Variants in TRPC4 observed in about 807,000 individuals in gnomAD.
The protein encoded by TRPC4 is short transient receptor potential channel 4.
TRPC4 carries 49 observed loss-of-function variants against 99.4 expected under a neutral mutation model. The ratio of observed to expected loss-of-function variants is 0.49; its 90% CI spans 0.39 to 0.63. TRPC4 has a LOEUF of 0.63. Ranked by LOEUF, TRPC4 falls within the 20% of genes least tolerant of loss-of-function variation. The pLI is 0.00. For missense variants in TRPC4, 898 were observed against 1,152.9 expected, an observed-to-expected ratio of 0.78 and a Z score of 3.20; for synonymous variants, 454 against 425.9, an observed-to-expected ratio of 1.07 and a Z score of -0.81.
chr13:37,793,136 T>C (rs1442627364), intron 1 of TRPC4, among the ~76,000 whole-genome samples: 1 of 152,176 alleles, frequency 6.6e-6, no homozygotes, highest in Non-Finnish European at 1.5e-5. Context: ...ACCATGAGAA[T>C]GTTTTCTAAA....
intron 3 of TRPC4, among the ~76,000 whole-genome samples, chr13:37,737,641 A>T: frequency 6.6e-6 from 1 of 151,710 alleles, no homozygotes. Context: ...GCCCAGCTAA[A>T]TTTTCTTTTC....
At chr13:37,861,156 G>A (rs1054447753) in intron 1 of TRPC4, among the ~76,000 whole-genome samples, 1 of 151,326 alleles carries the variant, frequency 6.6e-6, no homozygotes, top group African/African-American at 2.4e-5. Context: ...AAATGATTTA[G>A]GTTATATGCT....
chr13:37,669,061 T>A (rs1952749945), intron 5 of TRPC4, among the ~76,000 whole-genome samples: 4 of 152,184 alleles, frequency 2.6e-5, no homozygotes, highest in Non-Finnish European at 5.9e-5. Context: ...GGCCCTTTTC[T>A]AGTTAATAAG....
At chr13:37,759,624 AATG>A (rs1420500746) in intron 2 of TRPC4, among the ~76,000 whole-genome samples, 8 of 151,882 alleles carry the variant, frequency 5.3e-5, no homozygotes, top group Non-Finnish European at 8.8e-5. Context: ...AAATATAAGA[AATG>A]ATGATTTTTC....
intron 2 of TRPC4, among the ~76,000 whole-genome samples, chr13:37,758,945 C>A (rs1956159872): frequency 6.6e-6 from 1 of 151,212 alleles, no homozygotes. Flanking sequence ...CATTTAGTAC[C>A]ATTTCATTAG....
chr13:37,780,412 C>T (rs1956808761), intron 2 of TRPC4, among the ~76,000 whole-genome samples: 1 of 151,854 alleles, frequency 6.6e-6, no homozygotes, highest in Non-Finnish European at 1.5e-5. Flanking sequence ...CATTTGGCCT[C>T]AATGACCTCA....
At chr13:37,786,651 T>C (rs924257536) in intron 1 of TRPC4, among the ~76,000 whole-genome samples, 1 of 152,032 alleles carries the variant, frequency 6.6e-6, no homozygotes, top group African/African-American at 2.4e-5. Context: ...TGACCTATAA[T>C]GTCAAAATAA....
chr13:37,861,349 T>G (rs1056688388), intron 1 of TRPC4, among the ~76,000 whole-genome samples: 2 of 151,752 alleles, frequency 1.3e-5, no homozygotes, highest in Non-Finnish European at 1.5e-5. Flanking sequence ...TGCCATTAAC[T>G]ATTAATCTAA....
intron 5 of TRPC4, among the ~76,000 whole-genome samples, chr13:37,666,432 C>T (rs766819089): frequency 1.8e-4 from 27 of 152,132 alleles, no homozygotes; most frequent in Admixed American, 4.6e-4. Context: ...TTTCCTGTCA[C>T]GGATTAAGAG....
At chr13:37,853,724 G>C (rs1293024187) in intron 1 of TRPC4, among the ~76,000 whole-genome samples, 1 of 151,852 alleles carries the variant, frequency 6.6e-6, no homozygotes, top group East Asian at 1.9e-4. Context: ...ATTTAACAAA[G>C]AGATTAAAAT....
intron 1 of TRPC4, among the ~76,000 whole-genome samples, chr13:37,826,718 A>G (rs932031514): frequency 6.6e-6 from 1 of 151,950 alleles, no homozygotes; most frequent in Non-Finnish European, 1.5e-5. Flanking sequence ...TTTTTCCTTC[A>G]TTCAACTTTA....
At chr13:37,828,683 C>G (rs1258655056) in intron 1 of TRPC4, among the ~76,000 whole-genome samples, 1 of 152,178 alleles carries the variant, frequency 6.6e-6, no homozygotes, top group Admixed American at 6.5e-5. Flanking sequence ...TTCTTTGCAG[C>G]AACATGGTTA....
At chr13:37,754,276 T>C (rs886164178) in intron 2 of TRPC4, among the ~76,000 whole-genome samples, 2 of 152,130 alleles carry the variant, frequency 1.3e-5, no homozygotes, top group Non-Finnish European at 2.9e-5. Flanking sequence ...TGTGGTTCCA[T>C]TGTTACAAGT....
chr13:37,732,044 G>T (rs1955254579), intron 3 of TRPC4, among the ~76,000 whole-genome samples: 1 of 152,096 alleles, frequency 6.6e-6, no homozygotes, highest in African/African-American at 2.4e-5. Context: ...AAAAAACAAT[G>T]TAGCATTAAT....
At chr13:37,849,284 A>T (rs1377698321) in intron 1 of TRPC4, among the ~76,000 whole-genome samples, 2 of 152,196 alleles carry the variant, frequency 1.3e-5, no homozygotes, top group African/African-American at 4.8e-5. Flanking sequence ...ATAAACAATA[A>T]TAAGTTATTG....
chr13:37,736,047 C>T (rs1955385168), intron 3 of TRPC4, among the ~76,000 whole-genome samples: 1 of 152,134 alleles, frequency 6.6e-6, no homozygotes, highest in Admixed American at 6.6e-5. Flanking sequence ...TTACATGTAA[C>T]TTAATTAGCT....
chr13:37,754,428 T>A (rs1956043137), intron 2 of TRPC4, among the ~76,000 whole-genome samples: 1 of 152,128 alleles, frequency 6.6e-6, no homozygotes, highest in Non-Finnish European at 1.5e-5. Flanking sequence ...CAGATGAAAA[T>A]CACACTGTGT....
intron 6 of TRPC4, 102 bp from the exon 7 acceptor site, chr13:37,655,385 A>ATATAT: frequency 3.3e-5 from 11 of 331,432 alleles, no homozygotes; most frequent in South Asian, 1.8e-4. Context: ...ATATATATAT[A>ATATAT]ATTAACTTAA....
chr13:37,775,838 C>T (rs1217472445), intron 2 of TRPC4, among the ~76,000 whole-genome samples: 1 of 151,296 alleles, frequency 6.6e-6, no homozygotes, highest in Non-Finnish European at 1.5e-5. Context: ...GCCTTTCACT[C>T]CTGTGTGTTC....
Sources: allele counts gnomAD v4.1 joint callset (sites outside exome capture counted in the v4.1 genomes callset), GRCh38; gene constraint gnomAD v4.1.1; transcripts MANE v1.5; gene names NCBI Gene and HGNC (gene_info 2026-07-23, HGNC 2026-07-21).